The following ZNF521 variants were observed in gnomAD, a reference collection of about 807,000 sequenced individuals.
ZNF521 encodes zinc finger protein 521, also known as LYST-interacting protein 3.
A neutral mutation model predicts 105.5 loss-of-function variants in ZNF521; 14 were observed. The ratio of observed to expected loss-of-function variants is 0.13; its 90% CI spans 0.09 to 0.21. The LOEUF is 0.21. ZNF521 is among the 10% of genes least tolerant of loss of function. The pLI, the probability that ZNF521 is intolerant of heterozygous loss-of-function variation, is 1.00. For missense variants in ZNF521, 1,233 were observed against 1,629.7 expected (o/e 0.76, Z 4.19); for synonymous variants, 635 against 606.0 (o/e 1.05, Z -0.70).
intron 5 of ZNF521, among the ~76,000 whole-genome samples, chr18:25,114,391 G>C (rs955307097): frequency 1.3e-5 from 2 of 152,162 alleles, no homozygotes; most frequent in East Asian, 1.9e-4. Flanking sequence ...TCAAATTGGG[G>C]AAAACTGAGG....
At position 25,104,776 on chromosome 18, in the gene ZNF521, A is replaced by G. The variant is rs550176778; in HGVS notation, c.3659-12695T>C. Among the ~76,000 whole-genome samples, 9 of 152,328 alleles carry G rather than the reference A, an allele frequency of 5.9e-5. No homozygotes were observed. The East Asian group carries it at 1.5e-3, about 26-fold the overall frequency. ...CTCATCTCAGAATACAGGAGAAAAG[A>G]CAGTTCAGAAATTGAAACAAGAGTG... On this transcript the variant is annotated intron_variant, in intron 5 of 7. Coordinates refer to ENST00000361524, the MANE Select transcript of ZNF521 (RefSeq NM_015461.3).
At chr18:25,297,166 A>C (rs1310917248) in intron 3 of ZNF521, among the ~76,000 whole-genome samples, 2 of 151,846 alleles carry the variant, frequency 1.3e-5, no homozygotes, top group African/African-American at 4.8e-5. Flanking sequence ...CTGAATTAAA[A>C]TGGGCCATAA....
chr18:25,126,317 A>G (rs1353746723), intron 5 of ZNF521, among the ~76,000 whole-genome samples: 1 of 152,100 alleles, frequency 6.6e-6, no homozygotes, highest in Non-Finnish European at 1.5e-5. Flanking sequence ...GGCTATTGAT[A>G]TTATGCTTAC....
chr18:25,099,742 CTT>C (rs1290213683), intron 5 of ZNF521, among the ~76,000 whole-genome samples: 10 of 152,276 alleles, frequency 6.6e-5, no homozygotes, highest in African/African-American at 9.6e-5. Context: ...TAAAATTTCT[CTT>C]GTTTGATATC....
At chr18:25,283,621 G>T (rs940742404) in intron 3 of ZNF521, among the ~76,000 whole-genome samples, 2 of 152,110 alleles carry the variant, frequency 1.3e-5, no homozygotes, top group African/African-American at 4.8e-5. Flanking sequence ...AAAAATCCAA[G>T]AATATTATTC....
intron 3 of ZNF521, among the ~76,000 whole-genome samples, chr18:25,236,507 G>A (rs1434055398): frequency 2.0e-5 from 3 of 149,906 alleles, no homozygotes; most frequent in Non-Finnish European, 4.4e-5. Context: ...CTGCAGTCCA[G>A]CCTGGGTGAC....
intron 5 of ZNF521, among the ~76,000 whole-genome samples, chr18:25,100,062 G>A (rs1452178374): frequency 6.6e-6 from 1 of 151,840 alleles, no homozygotes; most frequent in Admixed American, 6.6e-5. Flanking sequence ...TTATGGCAAG[G>A]GTCAGGGCCT....
At chr18:25,252,523 T>G (rs1908189029) in intron 3 of ZNF521, among the ~76,000 whole-genome samples, 1 of 152,054 alleles carries the variant, frequency 6.6e-6, no homozygotes, top group Admixed American at 6.6e-5. Context: ...TGCAACTTAT[T>G]TACCTTTTTT....
chr18:25,229,378 A>C (rs1393647631), intron 3 of ZNF521, among the ~76,000 whole-genome samples: 1 of 152,176 alleles, frequency 6.6e-6, no homozygotes, highest in Admixed American at 6.5e-5. Flanking sequence ...TTCGCCATAC[A>C]AGTTGAAAAC....
rs1035452341 is a variant in ZNF521, at chr18:25,111,484, T to C, written c.3659-19403A>G. On this transcript the variant is annotated intron_variant, in intron 5 of 7. Coordinates refer to ENST00000361524, the MANE Select transcript of ZNF521 (RefSeq NM_015461.3). Reference sequence around the variant, plus strand: ...GGAAAAATACATTTTAAAAATTCAGTATGAAATATCTGCGTTGGGTGTTTG... The same window carrying C: ...GGAAAAATACATTTTAAAAATTCAGCATGAAATATCTGCGTTGGGTGTTTG... 4.8e-4 allele frequency among the ~76,000 whole-genome samples: 73 copies of C among 152,200 alleles called. 4 individuals carry two copies. The highest frequency in any genetic ancestry group is 1.5e-5 in the Non-Finnish European group (1 of 68,034).
At chr18:25,290,527 G>A (rs1271874952) in intron 3 of ZNF521, among the ~76,000 whole-genome samples, 2 of 151,718 alleles carry the variant, frequency 1.3e-5, no homozygotes, top group Non-Finnish European at 2.9e-5. Flanking sequence ...ACCACTGTTT[G>A]CTACCAAATT....
intron 5 of ZNF521, among the ~76,000 whole-genome samples, chr18:25,147,802 C>T (rs958931037): frequency 6.6e-6 from 1 of 152,178 alleles, no homozygotes; most frequent in Non-Finnish European, 1.5e-5. Context: ...TGTTTATAAT[C>T]TTTCGTGCAG....
chr18:25,349,816 G>C (rs1914640619), intron 2 of ZNF521, among the ~76,000 whole-genome samples: 1 of 150,082 alleles, frequency 6.7e-6, no homozygotes, highest in African/African-American at 2.4e-5. Flanking sequence ...GCCGCCCTTT[G>C]TCCTCCGCCT....
At chr18:25,119,738 A>T (rs1039951417) in intron 5 of ZNF521, among the ~76,000 whole-genome samples, 9 of 152,078 alleles carry the variant, frequency 5.9e-5, no homozygotes, top group Non-Finnish European at 1.2e-4. Context: ...AAATTGTCTA[A>T]AACTAATGAC....
At chr18:25,297,081 A>G (rs982749663) in intron 3 of ZNF521, among the ~76,000 whole-genome samples, 1 of 151,332 alleles carries the variant, frequency 6.6e-6, no homozygotes, top group African/African-American at 2.4e-5. Context: ...ACACACACAT[A>G]CACACACACA....
At chr18:25,293,250 C>A (rs1415680686) in intron 3 of ZNF521, among the ~76,000 whole-genome samples, 1 of 152,076 alleles carries the variant, frequency 6.6e-6, no homozygotes, top group Non-Finnish European at 1.5e-5. Flanking sequence ...TTCTATCACA[C>A]AGAGATTATT....
At chr18:25,309,661 T>A (rs1363077665) in intron 3 of ZNF521, among the ~76,000 whole-genome samples, 1 of 152,046 alleles carries the variant, frequency 6.6e-6, no homozygotes, top group Non-Finnish European at 1.5e-5. Flanking sequence ...GAAAATAAAA[T>A]TAGGTATAAG....
chr18:25,235,169 A>G (rs184567209), intron 3 of ZNF521, among the ~76,000 whole-genome samples: 237 of 152,352 alleles, frequency 1.6e-3, no homozygotes, highest in Admixed American at 4.4e-3. Context: ...GCCACATTCC[A>G]TAGTGCCAGC....
intron 5 of ZNF521, among the ~76,000 whole-genome samples, chr18:25,149,589 C>T (rs1259320331): frequency 1.3e-5 from 2 of 152,150 alleles, no homozygotes; most frequent in Admixed American, 1.3e-4. Flanking sequence ...TCTCTTGTTG[C>T]ACCCCGATGT....
Sources: allele counts gnomAD v4.1 joint callset (sites outside exome capture counted in the v4.1 genomes callset), GRCh38; gene constraint gnomAD v4.1.1; transcripts MANE v1.5; gene names NCBI Gene and HGNC (gene_info 2026-07-23, HGNC 2026-07-21).